The following SEMA3E variants were observed in gnomAD, a reference collection of about 807,000 sequenced individuals.
SEMA3E encodes the protein semaphorin-3E.
In SEMA3E, 49 loss-of-function variants were observed where a neutral mutation model predicts 93.6. The observed-to-expected ratio is 0.52, with a 90% confidence interval of 0.42 to 0.66. The LOEUF is 0.66. Ranked by LOEUF, SEMA3E falls within the 30% of genes least tolerant of loss-of-function variation. The pLI, the probability that SEMA3E is intolerant of heterozygous loss-of-function variation, is 0.00. For synonymous variants in SEMA3E, 363 were observed against 330.7 expected (o/e 1.10, Z -1.06); for missense variants, 906 against 964.8 (o/e 0.94, Z 0.81).
chr7:83,461,650 C>G (rs1789619447), intron 4 of SEMA3E, among the ~76,000 whole-genome samples: 1 of 152,108 alleles, frequency 6.6e-6, no homozygotes, highest in African/African-American at 2.4e-5. Context: ...CTTTACAGCC[C>G]TAGACCCTAA....
At chr7:83,424,490 C>T (rs1411402787) in intron 4 of SEMA3E, among the ~76,000 whole-genome samples, 1 of 152,074 alleles carries the variant, frequency 6.6e-6, no homozygotes, top group Non-Finnish European at 1.5e-5. Flanking sequence ...CACATCTTTC[C>T]ATCATGTCTT....
At chr7:83,639,108 CTCAAAAAA>C (rs1251680490) in intron 1 of SEMA3E, among the ~76,000 whole-genome samples, 3 of 33,656 alleles carry the variant, frequency 8.9e-5, no homozygotes, top group South Asian at 1.1e-3. Context: ...GAGACTCCGT[CTCAAAAAA>C]AAAAAAAAAA....
chr7:83,531,341 C>CTTTTTTTTTTT (rs144165250), intron 1 of SEMA3E, among the ~76,000 whole-genome samples: 1 of 68,142 alleles, frequency 1.5e-5, no homozygotes, highest in Non-Finnish European at 2.6e-5. Context: ...TTGGAATATT[C>CTTTTTTTTTTT]TTTTTTTTTT....
chr7:83,612,321 G>A (rs926037703), intron 1 of SEMA3E, among the ~76,000 whole-genome samples: 8 of 151,940 alleles, frequency 5.3e-5, no homozygotes, highest in African/African-American at 1.9e-4. Context: ...AATCTATAAC[G>A]GTAATAATAC....
chr7:83,441,358 G>GT (rs1415229662), intron 4 of SEMA3E, among the ~76,000 whole-genome samples: 3 of 152,092 alleles, frequency 2.0e-5, no homozygotes, highest in African/African-American at 7.2e-5. Flanking sequence ...CAATTTGTAT[G>GT]TTTTTTTAAA....
intron 2 of SEMA3E, among the ~76,000 whole-genome samples, chr7:83,489,711 AAC>A (rs1790340185): frequency 6.6e-6 from 1 of 151,398 alleles, no homozygotes; most frequent in South Asian, 2.1e-4. Context: ...TTACCAACAG[AAC>A]TATATGAGGT....
At chr7:83,447,686 C>A (rs1789262728) in intron 4 of SEMA3E, among the ~76,000 whole-genome samples, 1 of 152,180 alleles carries the variant, frequency 6.6e-6, no homozygotes, top group Admixed American at 6.5e-5. Context: ...GAGATAGAAA[C>A]ATTGGAGGCA....
chr7:83,438,055 G>A (rs1789040119), intron 4 of SEMA3E, among the ~76,000 whole-genome samples: 1 of 152,072 alleles, frequency 6.6e-6, no homozygotes, highest in Non-Finnish European at 1.5e-5. Context: ...TAAATATCGA[G>A]TTCTGAGATT....
At chr7:83,467,072 T>C (rs1171276139) in intron 3 of SEMA3E, among the ~76,000 whole-genome samples, 2 of 149,792 alleles carry the variant, frequency 1.3e-5, no homozygotes. Flanking sequence ...TTTTTTTTTT[T>C]TTTTTTTCCC....
chr7:83,564,054 GA>G (rs1329826616), intron 1 of SEMA3E, among the ~76,000 whole-genome samples: 1 of 152,130 alleles, frequency 6.6e-6, no homozygotes, highest in Non-Finnish European at 1.5e-5. Flanking sequence ...ATTCCATATA[GA>G]AGCCGATAAT....
At chr7:83,419,829 A>C (rs1192520247) in intron 4 of SEMA3E, among the ~76,000 whole-genome samples, 1 of 102,974 alleles carries the variant, frequency 9.7e-6, no homozygotes, top group Non-Finnish European at 2.3e-5. Context: ...TTGTCAAAAT[A>C]ATAAGTCGTA....
intron 1 of SEMA3E, among the ~76,000 whole-genome samples, chr7:83,564,987 G>T (rs953880776): frequency 4.6e-5 from 7 of 151,924 alleles, no homozygotes; most frequent in Non-Finnish European, 1.0e-4. Context: ...GAATCAAACA[G>T]ACACAATAAA....
intron 1 of SEMA3E, among the ~76,000 whole-genome samples, chr7:83,622,117 G>A (rs568924376): frequency 1.3e-5 from 2 of 151,722 alleles, no homozygotes; most frequent in African/African-American, 2.4e-5. Flanking sequence ...ATATCCAGTC[G>A]ACGAGGAACT....
intron 1 of SEMA3E, among the ~76,000 whole-genome samples, chr7:83,625,735 ATAT>A (rs1173027042): frequency 6.6e-6 from 1 of 151,710 alleles, no homozygotes; most frequent in Non-Finnish European, 1.5e-5. Flanking sequence ...AGAACTTCCA[ATAT>A]TATGTTAAAT....
At chr7:83,593,294 G>C (rs1451833882) in intron 1 of SEMA3E, among the ~76,000 whole-genome samples, 2,485 of 37,312 alleles carry the variant, frequency 0.067, 55 homozygotes, top group African/African-American at 0.27. Context: ...CTGTGTGTGT[G>C]TGTGTGTGTG....
chr7:83,404,548 T>C (rs1788291165), intron 9 of SEMA3E, among the ~76,000 whole-genome samples: 1 of 151,996 alleles, frequency 6.6e-6, no homozygotes, highest in East Asian at 1.9e-4. Flanking sequence ...AAATTGTCTA[T>C]ATAACCTTTT....
At chr7:83,408,610 AG>A in intron 5 of SEMA3E, 123 bp from the exon 6 acceptor site, 1 of 1,105,780 alleles carries the variant, frequency 9.0e-7, no homozygotes, top group Non-Finnish European at 1.3e-6. Context: ...TATTGCTGTT[AG>A]GAGCATGGAT....
At chr7:83,568,962 A>T (rs1792218621) in intron 1 of SEMA3E, among the ~76,000 whole-genome samples, 1 of 152,100 alleles carries the variant, frequency 6.6e-6, no homozygotes, top group African/African-American at 2.4e-5. Flanking sequence ...TGTTGATATG[A>T]TCTTATATCT....
In SEMA3E at chr7:83,396,692, G is replaced by A; in HGVS notation, c.1404C>T (p.Asn468=). ...GIVLKVITIY[N]QEMESMEEVI... ...CTTCTTCCATTGATTCCATTTCTTG[G>A]TTGTAAATTGTGATTACTTTCAGCA... The change falls in exon 12 of 17, where the codon AAC becomes AAT. Residue 468 remains asparagine (N), a synonymous_variant. Coordinates refer to ENST00000643230, the MANE Select transcript of SEMA3E (RefSeq NM_012431.3). 1 of 1,606,326 alleles carries A rather than the reference G, an allele frequency of 6.2e-7. No individual in the cohort carries two copies.
Sources: allele counts gnomAD v4.1 joint callset (sites outside exome capture counted in the v4.1 genomes callset), GRCh38; gene constraint gnomAD v4.1.1; transcripts MANE v1.5; gene names NCBI Gene and HGNC (gene_info 2026-07-23, HGNC 2026-07-21).